The following PSD3 variants were observed in gnomAD, a reference collection of about 807,000 sequenced individuals.
PSD3 encodes PH and SEC7 domain-containing protein 3.
In PSD3, 49 loss-of-function variants were observed where a neutral mutation model predicts 105.5. That is an observed-to-expected ratio of 0.46 (90% confidence interval 0.37 to 0.59). PSD3 has a LOEUF of 0.59. Ranked by LOEUF, PSD3 falls within the 20% of genes least tolerant of loss-of-function variation. The pLI is 0.00. For synonymous variants in PSD3, 557 were observed against 457.8 expected (o/e 1.22, Z -2.77); for missense variants, 1,561 against 1,263.8 (o/e 1.24, Z -3.57).
intron 4 of PSD3, among the ~76,000 whole-genome samples, chr8:18,842,321 T>G (rs1361483163): frequency 1.3e-5 from 2 of 152,342 alleles, no homozygotes; most frequent in South Asian, 2.1e-4. Flanking sequence ...TTTTGCGCTG[T>G]AGAGACTACT....
chr8:18,790,053 A>G (rs1156944096), intron 8 of PSD3, among the ~76,000 whole-genome samples: 1 of 152,140 alleles, frequency 6.6e-6, no homozygotes, highest in Non-Finnish European at 1.5e-5. Context: ...CAAAACTACC[A>G]AAAGTGGGAG....
chr8:18,635,335 T>C (rs920097423), intron 10 of PSD3, among the ~76,000 whole-genome samples: 16 of 152,254 alleles, frequency 1.1e-4, no homozygotes, highest in South Asian at 2.1e-4. Context: ...GGTGTGCTCA[T>C]TGCTTTGGGG....
intron 1 of PSD3, among the ~76,000 whole-genome samples, chr8:19,071,713 T>TCTC (rs750422064): frequency 6.6e-6 from 1 of 151,406 alleles, no homozygotes; most frequent in African/African-American, 2.4e-5. Context: ...GCCTCCGACT[T>TCTC]CTTCTTCTTC....
At position 18,540,481 on chromosome 8, in the gene PSD3, T is replaced by C. The variant is rs565171596; in HGVS notation, c.2929-4523A>G. On this transcript the variant is annotated intron_variant, in intron 15 of 15. Coordinates refer to ENST00000327040, the MANE Select transcript of PSD3 (RefSeq NM_015310.4). Reference sequence around the variant, plus strand: ...AGAAAGCTTAGGGATAATTCTTAAGTGGTGAAGAAGGAAATTTGACAATAA... The same window carrying C: ...AGAAAGCTTAGGGATAATTCTTAAGCGGTGAAGAAGGAAATTTGACAATAA... Among the ~76,000 whole-genome samples the C allele has an allele frequency of 3.9e-5, 6 of 152,316 alleles. No individual in the cohort carries two copies. In the South Asian group the frequency reaches 1.2e-3, roughly 32 times the overall value.
At chr8:18,984,382 A>G (rs1825394461) in intron 1 of PSD3, among the ~76,000 whole-genome samples, 1 of 152,078 alleles carries the variant, frequency 6.6e-6, no homozygotes, top group Admixed American at 6.5e-5. Flanking sequence ...TCTTTACATT[A>G]TGGTACAAAT....
rs188022555 is a variant in PSD3, at chr8:19,075,750, G to T, written c.324+8456C>A. Among the ~76,000 whole-genome samples the T allele has an allele frequency of 2.6e-5, 4 of 152,170 alleles. No individual in the cohort carries two copies. In the East Asian group the frequency reaches 7.7e-4, roughly 29 times the overall value. On this transcript the variant is annotated intron_variant, in intron 1 of 1. Transcript: ENST00000521475. ...TTAAACCTTTGTAAATATACTGCCA[G>T]TGTTTCATGCCGTATGTTTCAAAAT...
At chr8:18,833,023 G>T (rs564916066) in intron 4 of PSD3, among the ~76,000 whole-genome samples, 4 of 152,310 alleles carry the variant, frequency 2.6e-5, no homozygotes, top group Admixed American at 2.0e-4. Context: ...TAATTGAGCA[G>T]CCATGAGAGA....
intron 1 of PSD3, among the ~76,000 whole-genome samples, chr8:18,967,909 A>T (rs942850715): frequency 6.6e-6 from 1 of 152,160 alleles, no homozygotes; most frequent in African/African-American, 2.4e-5. Context: ...GCCCATTCAC[A>T]TATTCCTGGG....
intron 9 of PSD3, among the ~76,000 whole-genome samples, chr8:18,669,367 G>C (rs1192369488): frequency 1.3e-5 from 2 of 152,164 alleles, no homozygotes; most frequent in Admixed American, 6.5e-5. Context: ...TTATAAGGTT[G>C]AATTTGTAAA....
intron 1 of PSD3, among the ~76,000 whole-genome samples, chr8:19,047,573 G>A (rs531859238): frequency 4.1e-4 from 62 of 152,186 alleles, no homozygotes; most frequent in African/African-American, 1.4e-3. Context: ...TGAGTTTTGG[G>A]GGAGGGAAAC....
chr8:19,040,469 G>T (rs1001757537), intron 1 of PSD3, among the ~76,000 whole-genome samples: 1 of 152,192 alleles, frequency 6.6e-6, no homozygotes, highest in East Asian at 1.9e-4. Context: ...GCCTCCCAAA[G>T]TGTTGGGATT....
intron 4 of PSD3, among the ~76,000 whole-genome samples, chr8:18,866,805 T>C (rs1326576110): frequency 6.6e-6 from 1 of 151,428 alleles, no homozygotes; most frequent in African/African-American, 2.4e-5. Context: ...CAAAAAACAC[T>C]GGTATTATTT....
chr8:18,959,258 C>A (rs1026344464), intron 1 of PSD3, among the ~76,000 whole-genome samples: 4 of 152,014 alleles, frequency 2.6e-5, no homozygotes, highest in African/African-American at 9.7e-5. Context: ...AAAGACGATC[C>A]CTTTAATATA....
chr8:18,625,503 C>T (rs899454958), intron 11 of PSD3, among the ~76,000 whole-genome samples: 2 of 152,140 alleles, frequency 1.3e-5, no homozygotes, highest in South Asian at 4.1e-4. Context: ...GTTTAAACAG[C>T]ACTGTGTTGG....
chr8:18,607,514 C>T (rs967929363), intron 11 of PSD3, among the ~76,000 whole-genome samples: 3 of 152,010 alleles, frequency 2.0e-5, no homozygotes, highest in Admixed American at 1.3e-4. Flanking sequence ...TAGCACTGGG[C>T]GTTTTCACTC....
intron 14 of PSD3, among the ~76,000 whole-genome samples, chr8:18,563,560 A>G (rs1801534934): frequency 6.6e-6 from 1 of 152,200 alleles, no homozygotes; most frequent in Admixed American, 6.5e-5. Flanking sequence ...AGGGAGGCTC[A>G]ATCCAAAAGA....
chr8:19,001,520 G>A (rs1826393990), intron 1 of PSD3: 1 of 151,940 alleles, frequency 6.6e-6, no homozygotes, highest in Admixed American at 6.6e-5. Context: ...CTGGAAGAGT[G>A]GCAGTTTTCT....
intron 4 of PSD3, among the ~76,000 whole-genome samples, chr8:18,832,794 G>A (rs1813783044): frequency 1.3e-5 from 2 of 152,196 alleles, no homozygotes; most frequent in East Asian, 3.9e-4. Flanking sequence ...AGCAGGTGCA[G>A]GGGAACTGCC....
At chr8:18,946,842 T>C (rs1168566428) in intron 1 of PSD3, among the ~76,000 whole-genome samples, 1 of 145,116 alleles carries the variant, frequency 6.9e-6, no homozygotes, top group African/African-American at 2.6e-5. Flanking sequence ...GAGACGAAGG[T>C]TGCAGTGAGC....
Sources: gnomAD v4.1 joint callset for allele counts (sites outside exome capture counted in the v4.1 genomes callset) on GRCh38, gnomAD v4.1.1 for gene constraint, MANE v1.5 for transcripts, NCBI Gene and HGNC (gene_info 2026-07-23, HGNC 2026-07-21) for gene names.